Variants in CEP120 observed in about 807,000 individuals in gnomAD.
The protein encoded by CEP120 is centrosomal protein of 120 kDa.
A neutral mutation model predicts 126.5 loss-of-function variants in CEP120; 113 were observed. The observed-to-expected ratio is 0.89, with a 90% CI of 0.77 to 1.04. The LOEUF (loss-of-function observed/expected upper bound fraction) is 1.04. Ranked by LOEUF, CEP120 falls within the 50% of genes least tolerant of loss-of-function variation. The probability of loss-of-function intolerance (pLI) is 0.00; values close to 1 mark genes in which losing one functional copy is unlikely to be tolerated. For synonymous variants in CEP120, 400 were observed against 394.3 expected (o/e 1.01, Z -0.17); for missense variants, 1,230 against 1,155.7 (o/e 1.06, Z -0.93).
intron 5 of CEP120, among the ~76,000 whole-genome samples, chr5:123,395,712 T>A (rs6881176): frequency 7.0e-6 from 1 of 143,498 alleles, no homozygotes. Flanking sequence ...GACAGATTCT[T>A]GCACTGTCAC....
At chr5:123,363,285 T>C (rs1305906804) in intron 18 of CEP120, among the ~76,000 whole-genome samples, 3 of 151,622 alleles carry the variant, frequency 2.0e-5, no homozygotes, top group African/African-American at 4.8e-5. Flanking sequence ...AGACGTACTT[T>C]CTCCTCCTGA....
chr5:123,402,428 G>GT, intron 4 of CEP120: 1 of 1,117,250 alleles, frequency 9.0e-7, no homozygotes, highest in Non-Finnish European at 1.2e-6. Flanking sequence ...TCTGTTTTTT[G>GT]TTTTTTATTG....
intron 3 of CEP120, among the ~76,000 whole-genome samples, chr5:123,414,173 A>G (rs1283917160): frequency 6.6e-6 from 1 of 152,196 alleles, no homozygotes; most frequent in East Asian, 1.9e-4. Context: ...AAGAGGATTT[A>G]CCTTCTCTGC....
At chr5:123,403,186 AACAGTGAC>A (rs1443952592) in intron 4 of CEP120, 3 of 433,798 alleles carry the variant, frequency 6.9e-6, no homozygotes, top group African/African-American at 6.2e-5. Flanking sequence ...AGGGCCTGGG[AACAGTGAC>A]ACCTCGATAT....
intron 4 of CEP120, among the ~76,000 whole-genome samples, chr5:123,402,960 C>T (rs1476140656): frequency 6.6e-5 from 10 of 152,194 alleles, no homozygotes; most frequent in Admixed American, 5.9e-4. Context: ...GGATGTAGGA[C>T]GAAGTCCCTC....
chr5:123,412,652 A>G, intron 3 of CEP120, 112 bp from the exon 4 acceptor site: 4 of 724,200 alleles, frequency 5.5e-6, no homozygotes, highest in Non-Finnish European at 7.8e-6. Context: ...TACTTTATAA[A>G]CAATTTTTTT....
rs376472074 is a variant in CEP120 at position 123,391,265 on chromosome 5, T to A, written c.883A>T (p.Ser295Cys). The change falls in exon 7 of 20, where the codon AGT (serine) becomes TGT (cysteine). Residue 295 changes from serine to cysteine, a missense_variant. Coordinates refer to ENST00000306467, the MANE Select transcript of CEP120 (RefSeq NM_001375405.1). ...IPLTGLLKKG[S>C]TEINQHPVTV... ...ACTGGGTGCTGGTTGATTTCTGTAC[T>A]GCCCTTTTTAAGTAATCCAGTTAAA... The A allele has an allele frequency of 1.2e-6, 2 of 1,614,234 alleles. No individual in the cohort carries two copies. The highest frequency in any genetic ancestry group is 2.2e-5 in the South Asian group (2 of 91,084).
intron 18 of CEP120, among the ~76,000 whole-genome samples, chr5:123,360,146 A>T (rs534685721): frequency 6.6e-6 from 1 of 152,114 alleles, no homozygotes; most frequent in South Asian, 2.1e-4. Context: ...AATCTTCTGA[A>T]CAAAACCAGA....
At chr5:123,387,335 A>G (rs1014155707) in intron 9 of CEP120, among the ~76,000 whole-genome samples, 1 of 152,154 alleles carries the variant, frequency 6.6e-6, no homozygotes, top group Non-Finnish European at 1.5e-5. Flanking sequence ...ATATAATTAT[A>G]TATCCATTTA....
rs1047440 is a variant in CEP120, at chr5:123,346,140, C to T, written c.*379G>A. On this transcript the variant is annotated 3_prime_UTR_variant, in exon 20 of 20. Coordinates refer to ENST00000306467, the MANE Select transcript of CEP120 (RefSeq NM_001375405.1). ...TACATTCAAATGGAATAGGACGCAG[C>T]GTTTTTAAAGTGCAAGATATACTCT... The T allele has an allele frequency of 0.41, 68,687 of 169,566 alleles. 14,120 individuals are homozygous for T. Among genetic ancestry groups the T allele is most frequent in the East Asian group, 0.47 (2,704 of 5,794 alleles). The allele number at this position is 169,566 out of a possible 1,614,324, so 10.5% of individuals were successfully genotyped here. A position where few individuals can be genotyped will look rare whatever the true frequency, so the allele number is the denominator to read the frequency against.
rs1287331796 is a variant in CEP120 at position 123,346,188 on chromosome 5, T to C, written c.*331A>G. The C allele has an allele frequency of 2.5e-4, 56 of 225,830 alleles. No homozygotes were observed. In the Admixed American group the frequency reaches 2.8e-3, roughly 11 times the overall value. The allele number at this position is 225,830 out of a possible 1,614,324, so 14.0% of individuals were successfully genotyped here. A position where few individuals can be genotyped will look rare whatever the true frequency, so the allele number is the denominator to read the frequency against. ...TCTTTTGGCTCAACATGAAACATTA[T>C]AGAACTGGAAATTACCGCAGTCATT... On this transcript the variant is annotated 3_prime_UTR_variant, in exon 20 of 20. Transcript: ENST00000306467.
At chr5:123,402,408 TG>T in intron 4 of CEP120, 1 of 1,270,156 alleles carries the variant, frequency 7.9e-7, no homozygotes, top group Non-Finnish European at 1.0e-6. Context: ...GCGGAGAAGC[TG>T]CTTCTTGGTC....
rs1580754847 is a variant in CEP120 at position 123,423,170 on chromosome 5, T to A, written c.-172A>T. 1 of 617,406 alleles carries A rather than the reference T, an allele frequency of 1.6e-6. No homozygotes were observed. The allele number at this position is 617,406 out of a possible 1,614,324, so 38.2% of individuals were successfully genotyped here. ...CGCCGTCTGCTGCAGCGCGCCCGGC[T>A]CCTCTGCCTCGGGCCGCCAGCCCAG... On this transcript the variant is annotated 5_prime_UTR_variant, in exon 1 of 20. Coordinates refer to ENST00000306467, the MANE Select transcript of CEP120 (RefSeq NM_001375405.1).
At chr5:123,366,729 C>A (rs1446473181) in intron 17 of CEP120, among the ~76,000 whole-genome samples, 1 of 151,910 alleles carries the variant, frequency 6.6e-6, no homozygotes, top group African/African-American at 2.4e-5. Flanking sequence ...CAAATCTATT[C>A]TATCTACTAA....
chr5:123,353,871 G>T (rs891084827), intron 18 of CEP120, among the ~76,000 whole-genome samples: 1 of 151,754 alleles, frequency 6.6e-6, no homozygotes, highest in Non-Finnish European at 1.5e-5. Context: ...AGGCGGGGTT[G>T]GGGTCCTTTC....
chr5:123,404,304 A>T (rs1287054685), intron 4 of CEP120, among the ~76,000 whole-genome samples: 1 of 152,236 alleles, frequency 6.6e-6, no homozygotes, highest in Non-Finnish European at 1.5e-5. Context: ...CACTACGTAC[A>T]ATGTATGCCA....
At position 123,416,344 on chromosome 5, in the gene CEP120, C is replaced by T. The variant is rs574405535; in HGVS notation, c.207-220G>A. Among the ~76,000 whole-genome samples the T allele has an allele frequency of 2.0e-4, 31 of 152,032 alleles. No individual in the cohort carries two copies. In the South Asian group the frequency reaches 3.9e-3, roughly 19 times the overall value. On this transcript the variant is annotated intron_variant, in intron 2 of 19. Transcript: ENST00000306467. The stretch of plus-strand genomic sequence containing the variant: ...TTGGGAGTTCGAGGAGGGCAGATCA[C>T]GAGGTCAGGAAATCGAGACCATCCT...
rs2127076585 is a variant in CEP120, at chr5:123,393,577, A to C, written c.613-80T>G. The C allele has an allele frequency of 4.2e-6, 5 of 1,180,670 alleles. No individual in the cohort carries two copies. In the South Asian group the frequency reaches 7.2e-5, roughly 17 times the overall value. The allele number at this position is 1,180,670 out of a possible 1,614,324, so 73.1% of individuals were successfully genotyped here. A position where few individuals can be genotyped will look rare whatever the true frequency, so the allele number is the denominator to read the frequency against. Reference sequence around the variant, plus strand: ...CTTAGTGTATCTATTACATTCCAAAAACATTTGCTAAAATGTTTTTTTATT... The same window carrying C: ...CTTAGTGTATCTATTACATTCCAAACACATTTGCTAAAATGTTTTTTTATT... On this transcript the variant is annotated intron_variant, in intron 5 of 19. Coordinates refer to ENST00000306467, the MANE Select transcript of CEP120 (RefSeq NM_001375405.1).
intron 10 of CEP120, 49 bp from the exon 11 acceptor site, chr5:123,385,182 G>C (rs181872964): frequency 9.1e-6 from 13 of 1,424,398 alleles, no homozygotes; most frequent in Admixed American, 2.5e-5. Context: ...CTGACCTAAA[G>C]TCTTTTCTGA....
Sources: gnomAD v4.1 joint callset for allele counts (sites outside exome capture counted in the v4.1 genomes callset) on GRCh38, gnomAD v4.1.1 for gene constraint, MANE v1.5 for transcripts, NCBI Gene and HGNC (gene_info 2026-07-23, HGNC 2026-07-21) for gene names.